DPYSL3: variants seen among roughly 807,000 people sequenced by gnomAD.
The protein encoded by DPYSL3 is dihydropyrimidinase like 3.
Under a neutral mutation model 66.1 loss-of-function variants are expected in DPYSL3, and 16 were observed. The observed-to-expected ratio is 0.24, with a 90% CI of 0.16 to 0.37. The LOEUF (loss-of-function observed/expected upper bound fraction) is 0.37, where lower values mean the gene tolerates loss of function less well. DPYSL3 is among the 10% of genes least tolerant of loss of function. The probability of loss-of-function intolerance (pLI) is 1.00; values close to 1 mark genes in which losing one functional copy is unlikely to be tolerated. For missense variants in DPYSL3, 738 were observed against 916.2 expected, an observed-to-expected ratio of 0.81 and a Z score of 2.51; for synonymous variants, 338 against 345.1, an observed-to-expected ratio of 0.98 and a Z score of 0.23.
intron 1 of DPYSL3, among the ~76,000 whole-genome samples, chr5:147,473,734 C>A (rs1347097533): frequency 6.6e-6 from 1 of 152,206 alleles, no homozygotes; most frequent in Admixed American, 6.5e-5. Context: ...AATGGGTTTG[C>A]CCTTTGCAGT....
chr5:147,429,479 C>T (rs13340333), intron 1 of DPYSL3, among the ~76,000 whole-genome samples: 8,054 of 151,834 alleles, frequency 0.053, 520 homozygotes, highest in African/African-American at 0.15. Flanking sequence ...TGCCAGTGTG[C>T]GTGTGTGTGT....
intron 1 of DPYSL3, among the ~76,000 whole-genome samples, chr5:147,495,706 T>G (rs1753492463): frequency 6.6e-6 from 1 of 152,166 alleles, no homozygotes; most frequent in Non-Finnish European, 1.5e-5. Flanking sequence ...GTGAAGGGCC[T>G]CTTCAAGGAG....
rs1252571387 is a variant in DPYSL3, at chr5:147,399,206, G to T, written c.1499C>A (p.Thr500Lys). ...CAGGTTGAAGATCTTGGCAGCGTTT[G>T]TGCTTGTCACAGCCACGAACTGGTT... The part of the protein sequence containing the change: ...DENQFVAVTS[T>K]NAAKIFNLYP... The change falls in exon 11 of 14, where the codon ACA (threonine) becomes AAA (lysine). Residue 500 changes from threonine (T) to lysine (K), a missense_variant. Coordinates refer to ENST00000343218, the MANE Select transcript of DPYSL3 (RefSeq NM_001197294.2). The T allele has an allele frequency of 6.2e-7, 1 of 1,614,108 alleles. No individual in the cohort carries two copies. The highest frequency in any genetic ancestry group is 1.3e-5 in the African/African-American group (1 of 74,946).
chr5:147,491,648 G>A (rs955810317), intron 1 of DPYSL3, among the ~76,000 whole-genome samples: 3 of 151,970 alleles, frequency 2.0e-5, no homozygotes, highest in Non-Finnish European at 4.4e-5. Context: ...CATTAATGAC[G>A]AATGCTTTTG....
At chr5:147,454,639 GC>G (rs1230025544) in intron 1 of DPYSL3, among the ~76,000 whole-genome samples, 1 of 152,200 alleles carries the variant, frequency 6.6e-6, no homozygotes, top group Admixed American at 6.5e-5. Flanking sequence ...CGTTCCTGGT[GC>G]GCAGCCATGG....
Position 147,393,966 on chromosome 5 carries a change from A to G in DPYSL3, c.*69T>C. 1 of 1,479,502 alleles carries G rather than the reference A, an allele frequency of 6.8e-7. No individual in the cohort carries two copies. Among genetic ancestry groups the G allele is most frequent in the Admixed American group, 1.7e-5 (1 of 57,626 alleles). The allele number at this position is 1,479,502 out of a possible 1,614,324, so 91.6% of individuals were successfully genotyped here. ...TTTGGATTCGCTTTCCTTCTTAAAT[A>G]TCGGTGTACCATTTTGGCTTCAAAA... On this transcript the variant is annotated 3_prime_UTR_variant, in exon 14 of 14. Transcript: ENST00000343218.
intron 1 of DPYSL3, among the ~76,000 whole-genome samples, chr5:147,495,949 G>A (rs189739732): frequency 0.12 from 18,076 of 152,034 alleles, 1,161 homozygotes; most frequent in Middle Eastern, 0.22. Context: ...AAGTCAATCC[G>A]AAGACAAAAG....
intron 1 of DPYSL3, among the ~76,000 whole-genome samples, chr5:147,476,702 A>G (rs189726797): frequency 7.8e-4 from 119 of 152,316 alleles, no homozygotes; most frequent in African/African-American, 1.9e-3. Flanking sequence ...TTCTTGGCCA[A>G]TGTTCTTGAT....
intron 1 of DPYSL3, among the ~76,000 whole-genome samples, chr5:147,469,961 G>T (rs1425173027): frequency 6.6e-6 from 1 of 152,212 alleles, no homozygotes; most frequent in African/African-American, 2.4e-5. Flanking sequence ...CTGGCAGAAG[G>T]CTCTCAGTTG....
Position 147,509,579 on chromosome 5 carries a change from C to G in DPYSL3, c.280G>C (p.Glu94Gln), listed in dbSNP as rs1444965688. ...GAGGCGGGCGCGGGCTCCCTGCTCT[C>G]TTCCCGGCCTTGGCCCCTGCGCGGG... ...DTPRRGQGREESREPAPASPA... is the reference protein window; with the variant it reads ...DTPRRGQGREQSREPAPASPA... Residue 94 changes from glutamate to glutamine, a missense_variant, in exon 1 of 14, where the codon GAG becomes CAG. Glu to Gln is a conservative substitution (Grantham distance 29, BLOSUM62 2). Transcript: ENST00000343218. This position sits in a 1 kb window ranked among gnomAD's most constrained non-coding sequence, Gnocchi z 5.3. 11 of 1,535,420 alleles carry G rather than the reference C, an allele frequency of 7.2e-6. No individual in the cohort carries two copies. The highest frequency in any genetic ancestry group is 1.2e-5 in the South Asian group (1 of 83,990).
At chr5:147,453,700 T>C (rs964691668) in intron 1 of DPYSL3, 5 of 1,343,510 alleles carry the variant, frequency 3.7e-6, no homozygotes, top group Non-Finnish European at 4.8e-6. Context: ...AATGGTGCGC[T>C]GGCCGCGCCG....
At chr5:147,477,216 T>C (rs1753166833) in intron 1 of DPYSL3, among the ~76,000 whole-genome samples, 1 of 152,120 alleles carries the variant, frequency 6.6e-6, no homozygotes, top group African/African-American at 2.4e-5. Flanking sequence ...TGTCTGGAAG[T>C]GGGAAAAAAA....
At chr5:147,403,186 A>G (rs1758242528) in intron 8 of DPYSL3, among the ~76,000 whole-genome samples, 1 of 152,216 alleles carries the variant, frequency 6.6e-6, no homozygotes. Context: ...GATGGCAATG[A>G]TTCACATTGG....
intron 1 of DPYSL3, among the ~76,000 whole-genome samples, chr5:147,447,011 A>G (rs1752641853): frequency 6.6e-6 from 1 of 152,198 alleles, no homozygotes; most frequent in South Asian, 2.1e-4. Context: ...GATCAATCCC[A>G]GGATCTTGCT....
chr5:147,392,465 TC>T lies in DPYSL3; in HGVS notation c.*1569del, dbSNP rs1385370335. The T allele has an allele frequency of 6.6e-6, 1 of 152,232 alleles. No individual in the cohort carries two copies. Among genetic ancestry groups the T allele is most frequent in the Non-Finnish European group, 1.5e-5 (1 of 68,060 alleles). 9.4% of individuals were successfully genotyped at this position (152,232 alleles called of 1,614,324 possible). ...AGGTGTCTGAGGCCTGCTCTTCTCT[TC>T]AAAGCACTTAGTACACAGGGTTACA... On this transcript the variant is annotated 3_prime_UTR_variant, in exon 14 of 14. Coordinates refer to ENST00000343218, the MANE Select transcript of DPYSL3 (RefSeq NM_001197294.2).
chr5:147,477,859 G>T (rs932778685), intron 1 of DPYSL3, among the ~76,000 whole-genome samples: 2 of 152,010 alleles, frequency 1.3e-5, no homozygotes, highest in African/African-American at 2.4e-5. Context: ...TGGGATTACA[G>T]GCGTGAGCCA....
intron 1 of DPYSL3, among the ~76,000 whole-genome samples, chr5:147,447,530 T>C (rs767183855): frequency 1.3e-5 from 2 of 152,180 alleles, no homozygotes; most frequent in Non-Finnish European, 2.9e-5. Flanking sequence ...AAGTTGAGCA[T>C]TGATTTGAGG....
rs1757784907 is a variant in DPYSL3 at position 147,391,056 on chromosome 5, G to C, written c.*2979C>G. The stretch of plus-strand genomic sequence containing the variant: ...AAAGAGGGAACTTACAATGAATGCT[G>C]GCTGCCCAGGGCAGCCCATGAGTGT... On this transcript the variant is annotated 3_prime_UTR_variant, in exon 14 of 14. Coordinates refer to ENST00000343218, the MANE Select transcript of DPYSL3 (RefSeq NM_001197294.2). The C allele has an allele frequency of 1.3e-5, 2 of 152,618 alleles. No homozygotes were observed. Among genetic ancestry groups the C allele is most frequent in the Admixed American group, 6.6e-5 (1 of 15,264 alleles). The allele number at this position is 152,618 out of a possible 1,614,324, so 9.5% of individuals were successfully genotyped here.
chr5:147,472,972 A>C (rs1581210174), intron 1 of DPYSL3: 1 of 152,172 alleles, frequency 6.6e-6, no homozygotes, highest in East Asian at 1.9e-4. Context: ...CATTCTTGTC[A>C]AATTTTTCAG....
Sources: gnomAD v4.1 joint callset for allele counts (sites outside exome capture counted in the v4.1 genomes callset) on GRCh38, gnomAD v4.1.1 for gene constraint, Gnocchi (gnomAD v3.1) non-coding constraint, MANE v1.5 for transcripts, NCBI Gene and HGNC (gene_info 2026-07-23, HGNC 2026-07-21) for gene names.